Variants in CTNNA2 observed in about 807,000 individuals in gnomAD.
The protein encoded by CTNNA2 is catenin alpha-2.
CTNNA2 carries 42 observed loss-of-function variants against 101.0 expected under a neutral mutation model. The ratio of observed to expected loss-of-function variants is 0.42; its 90% CI spans 0.32 to 0.54. The LOEUF is 0.54. Among genes scored for constraint, CTNNA2 ranks in the 20% least tolerant of loss-of-function variants. The probability of loss-of-function intolerance (pLI) is 0.14; values close to 1 mark genes in which losing one functional copy is unlikely to be tolerated. For missense variants in CTNNA2, 871 were observed against 1,223.1 expected, an observed-to-expected ratio of 0.71 and a Z score of 4.29; for synonymous variants, 450 against 456.4, an observed-to-expected ratio of 0.99 and a Z score of 0.18.
chr2:79,717,645 G>C lies in CTNNA2; in HGVS notation c.103-26742G>C, dbSNP rs547713499. ...ATGACTCTGATTCCAGAACTGAACTGACCACCACTGGTCACATGGTAGGAA... is the reference window on the plus strand; with the variant it reads ...ATGACTCTGATTCCAGAACTGAACTCACCACCACTGGTCACATGGTAGGAA... On this transcript the variant is annotated intron_variant, in intron 2 of 18. Transcript: ENST00000402739. 2.9e-4 allele frequency among the ~76,000 whole-genome samples: 44 copies of C among 152,302 alleles called. 1 individual carries two copies. Among genetic ancestry groups the C allele is most frequent in the Non-Finnish European group, 1.8e-4 (12 of 68,020 alleles).
rs550130480 is a variant in CTNNA2 at position 80,573,158 on chromosome 2, A to C, written c.1742-1005A>C. 5 of 152,360 alleles carry C rather than the reference A, an allele frequency of 3.3e-5. No homozygotes were observed. The East Asian group carries it at 9.6e-4, about 29-fold the overall frequency. The allele number at this position is 152,360 out of a possible 1,614,324, so 9.4% of individuals were successfully genotyped here. ...TTTATCATCCTTGTAAATAAAACGA[A>C]TATGCTTTTGGCTTTCATTTACTAT... On this transcript the variant is annotated intron_variant, in intron 12 of 18. Transcript: ENST00000402739.
intron 4 of CTNNA2, among the ~76,000 whole-genome samples, chr2:79,495,003 T>G (rs1671241063): frequency 6.6e-6 from 1 of 152,034 alleles, no homozygotes; most frequent in Non-Finnish European, 1.5e-5. Flanking sequence ...CTTAGGAGGC[T>G]GAGGCAGGAG....
chr2:80,125,599 GCCT>G (rs1383858965), intron 7 of CTNNA2, among the ~76,000 whole-genome samples: 1 of 152,142 alleles, frequency 6.6e-6, no homozygotes, highest in Non-Finnish European at 1.5e-5. Flanking sequence ...AGATACCACA[GCCT>G]CCTCCTACTG....
intron 7 of CTNNA2, among the ~76,000 whole-genome samples, chr2:80,184,759 C>A (rs1274573145): frequency 2.6e-5 from 4 of 151,648 alleles, no homozygotes; most frequent in Admixed American, 2.6e-4. Context: ...AAAAGACAAA[C>A]CTTGGCTCAG....
rs528064715 is a variant in CTNNA2, at chr2:80,205,777, C to T, written c.1057-187434C>T. ...GTACTCCTCAAATAGAAGGTGACTG[C>T]GATTGTTTCAAAAGAGAAAATTGTT... On this transcript the variant is annotated intron_variant, in intron 7 of 18. Transcript: ENST00000402739. Among the ~76,000 whole-genome samples the T allele has an allele frequency of 3.2e-3, 486 of 152,150 alleles. 3 individuals carry two copies. Among genetic ancestry groups the T allele is most frequent in the Admixed American group, 2.9e-3 (45 of 15,284 alleles).
At chr2:79,318,691 T>C (rs1029607132) in intron 3 of CTNNA2, among the ~76,000 whole-genome samples, 1 of 152,234 alleles carries the variant, frequency 6.6e-6, no homozygotes, top group African/African-American at 2.4e-5. Context: ...CTGCTGCCTG[T>C]TTTTATAAAT....
intron 7 of CTNNA2, among the ~76,000 whole-genome samples, chr2:79,913,652 A>G (rs1261941553): frequency 1.3e-5 from 2 of 152,206 alleles, no homozygotes; most frequent in Non-Finnish European, 2.9e-5. Flanking sequence ...GGGGATAGCA[A>G]TAGAAGTGGC....
At chr2:79,948,993 A>T (rs4633945) in intron 7 of CTNNA2, among the ~76,000 whole-genome samples, 32,618 of 150,814 alleles carry the variant, frequency 0.22, 3,595 homozygotes, top group East Asian at 0.27. Flanking sequence ...AATAAATAAA[A>T]TAAATGGATA....
Position 80,563,244 on chromosome 2 carries a change from T to C in CTNNA2, c.1741+7351T>C, listed in dbSNP as rs149216373. On this transcript the variant is annotated intron_variant, in intron 12 of 18. Coordinates refer to ENST00000402739, the MANE Select transcript of CTNNA2 (RefSeq NM_001282597.3). ...TGCTGGTGTCCACTGGAATTGGTGG[T>C]CTGGATGCTTTAATTGTGCACAACT... Among the ~76,000 whole-genome samples the C allele has an allele frequency of 2.4e-3, 358 of 152,244 alleles. 3 individuals are homozygous for C. The highest frequency in any genetic ancestry group is 7.2e-3 in the African/African-American group (298 of 41,540).
chr2:80,612,848 C>A (rs574875455), intron 17 of CTNNA2: 1 of 151,312 alleles, frequency 6.6e-6, no homozygotes, highest in Admixed American at 6.6e-5. Context: ...CTAGCTATTT[C>A]AATTTGGGTT....
chr2:80,572,661 C>T (rs1558601836), intron 12 of CTNNA2: 1 of 152,146 alleles, frequency 6.6e-6, no homozygotes, highest in African/African-American at 2.4e-5. Context: ...ACGAATAACT[C>T]AAATAGTCTG....
rs146271186 is a variant in CTNNA2, at chr2:79,726,775, A to G, written c.103-17612A>G. 3.4e-3 allele frequency among the ~76,000 whole-genome samples: 516 copies of G among 152,332 alleles called. 4 individuals carry two copies. The highest frequency in any genetic ancestry group is 0.012 in the African/African-American group (479 of 41,572). Reference sequence around the variant, plus strand: ...GGCAATATTTTAAAATGGGGTAGAGAGATTCTATCTGCCTATTGGCATAGT... The same window carrying G: ...GGCAATATTTTAAAATGGGGTAGAGGGATTCTATCTGCCTATTGGCATAGT... On this transcript the variant is annotated intron_variant, in intron 2 of 18. Coordinates refer to ENST00000402739, the MANE Select transcript of CTNNA2 (RefSeq NM_001282597.3).
intron 4 of CTNNA2, among the ~76,000 whole-genome samples, chr2:79,482,415 A>G (rs1027473933): frequency 2.0e-5 from 3 of 152,216 alleles, no homozygotes; most frequent in African/African-American, 7.2e-5. Context: ...TGCACAATGT[A>G]CTAGGGATTT....
At chr2:79,203,765 C>A (rs1309068609) in intron 2 of CTNNA2, among the ~76,000 whole-genome samples, 7 of 152,188 alleles carry the variant, frequency 4.6e-5, no homozygotes, top group Middle Eastern at 3.2e-3. Flanking sequence ...ATACTTTTGC[C>A]TTCATTAACT....
intron 2 of CTNNA2, among the ~76,000 whole-genome samples, chr2:79,279,987 C>G (rs1675319322): frequency 6.6e-6 from 1 of 152,038 alleles, no homozygotes; most frequent in Admixed American, 6.6e-5. Context: ...TGTATTCAAC[C>G]TTACTAAGAA....
At chr2:79,210,058 C>A (rs1030457511) in intron 2 of CTNNA2, among the ~76,000 whole-genome samples, 5 of 119,966 alleles carry the variant, frequency 4.2e-5, no homozygotes, top group African/African-American at 1.9e-4. Flanking sequence ...ACCCTAGATG[C>A]CCAATTTGAG....
chr2:80,557,473 T>A (rs1307285268), intron 12 of CTNNA2, among the ~76,000 whole-genome samples: 1 of 152,176 alleles, frequency 6.6e-6, no homozygotes, highest in African/African-American at 2.4e-5. Flanking sequence ...AAGTCTCAGC[T>A]TCATGTGAGA....
At chr2:80,597,672 G>A (rs1697105542) in intron 15 of CTNNA2, among the ~76,000 whole-genome samples, 1 of 152,124 alleles carries the variant, frequency 6.6e-6, no homozygotes, top group Non-Finnish European at 1.5e-5. Flanking sequence ...GATATGAACA[G>A]ACACTTGTCA....
chr2:80,484,509 T>C (rs905006905), intron 9 of CTNNA2, among the ~76,000 whole-genome samples: 1 of 152,128 alleles, frequency 6.6e-6, no homozygotes, highest in Non-Finnish European at 1.5e-5. Flanking sequence ...CTCTGATGCA[T>C]ATGGAACAGG....
Sources: gnomAD v4.1 joint callset for allele counts (sites outside exome capture counted in the v4.1 genomes callset) on GRCh38, gnomAD v4.1.1 for gene constraint, MANE v1.5 for transcripts, NCBI Gene and HGNC (gene_info 2026-07-23, HGNC 2026-07-21) for gene names.